CCBE1: variants seen among roughly 807,000 people sequenced by gnomAD.
CCBE1 encodes collagen and calcium-binding EGF domain-containing protein 1.
A neutral mutation model predicts 50.0 loss-of-function variants in CCBE1; 37 were observed. That is an observed-to-expected ratio of 0.74 (90% CI 0.57 to 0.97). The LOEUF is 0.97. Ranked by LOEUF, CCBE1 falls within the 50% of genes least tolerant of loss-of-function variation. CCBE1 has a pLI of 0.00. For synonymous variants in CCBE1, 234 were observed against 203.7 expected (o/e 1.15, Z -1.27); for missense variants, 538 against 523.8 (o/e 1.03, Z -0.26).
chr18:59,624,730 A>C (rs763546320), intron 2 of CCBE1, among the ~76,000 whole-genome samples: 1 of 152,208 alleles, frequency 6.6e-6, no homozygotes, highest in Non-Finnish European at 1.5e-5. Context: ...GAGCTCAGAG[A>C]CACTCTTGTC....
intron 2 of CCBE1, among the ~76,000 whole-genome samples, chr18:59,562,320 A>AT (rs999205441): frequency 1.3e-5 from 2 of 152,180 alleles, no homozygotes; most frequent in Non-Finnish European, 2.9e-5. Context: ...ATCTTTTTAG[A>AT]TTATTAACTA....
At chr18:59,451,445 A>G (rs1031130463) in intron 6 of CCBE1, among the ~76,000 whole-genome samples, 8 of 151,060 alleles carry the variant, frequency 5.3e-5, no homozygotes, top group African/African-American at 1.9e-4. Context: ...AAAAAAAAAA[A>G]AAAAAAAAAA....
chr18:59,664,320 C>T (rs2144694881), intron 2 of CCBE1, among the ~76,000 whole-genome samples: 1 of 152,222 alleles, frequency 6.6e-6, no homozygotes, highest in South Asian at 2.1e-4. Context: ...CAGACCACAG[C>T]AAAGGCCTCC....
intron 7 of CCBE1, among the ~76,000 whole-genome samples, chr18:59,446,531 T>G (rs1910678030): frequency 6.6e-6 from 1 of 152,234 alleles, no homozygotes; most frequent in Admixed American, 6.5e-5. Flanking sequence ...CTGAATCGTC[T>G]TATTCTCTGG....
At chr18:59,650,017 C>G (rs1395457929) in intron 2 of CCBE1, among the ~76,000 whole-genome samples, 1 of 152,056 alleles carries the variant, frequency 6.6e-6, no homozygotes, top group Non-Finnish European at 1.5e-5. Flanking sequence ...TGGGGGAGCA[C>G]AGGTGAGCCA....
At chr18:59,684,456 A>G (rs980871257) in intron 2 of CCBE1, among the ~76,000 whole-genome samples, 8 of 152,172 alleles carry the variant, frequency 5.3e-5, no homozygotes, top group Non-Finnish European at 8.8e-5. Context: ...CTCAAAAAAA[A>G]AAATTCTCCA....
intron 2 of CCBE1, among the ~76,000 whole-genome samples, chr18:59,620,557 A>C (rs775411373): frequency 5.3e-5 from 8 of 152,182 alleles, no homozygotes; most frequent in Non-Finnish European, 1.2e-4. Context: ...ATCTTGAATC[A>C]TAGCTCCCAC....
intron 2 of CCBE1, among the ~76,000 whole-genome samples, chr18:59,659,893 C>T (rs1369167950): frequency 6.6e-6 from 1 of 152,170 alleles, no homozygotes; most frequent in Non-Finnish European, 1.5e-5. Context: ...TCAGAGGTCC[C>T]CCCTCCCAGT....
chr18:59,558,071 G>A (rs533629858), intron 2 of CCBE1, among the ~76,000 whole-genome samples: 7 of 152,196 alleles, frequency 4.6e-5, no homozygotes, highest in Non-Finnish European at 8.8e-5. Context: ...GGTGACTCAC[G>A]TGTATCTTAT....
chr18:59,643,934 C>A (rs751835157), intron 2 of CCBE1, among the ~76,000 whole-genome samples: 2 of 152,198 alleles, frequency 1.3e-5, no homozygotes, highest in African/African-American at 2.4e-5. Flanking sequence ...ATACAAGCAG[C>A]CTTTCCCTAA....
At chr18:59,688,767 T>A (rs2054691479) in intron 2 of CCBE1, among the ~76,000 whole-genome samples, 1 of 152,152 alleles carries the variant, frequency 6.6e-6, no homozygotes, top group Non-Finnish European at 1.5e-5. Flanking sequence ...TTCCTGGAGA[T>A]CAGAAAACCA....
At chr18:59,579,349 G>A (rs1462197497) in intron 2 of CCBE1, among the ~76,000 whole-genome samples, 1 of 150,818 alleles carries the variant, frequency 6.6e-6, no homozygotes, top group Non-Finnish European at 1.5e-5. Flanking sequence ...CATTTCCTAT[G>A]AACAGCTATT....
rs765189187 is a variant in CCBE1 at position 59,473,290 on chromosome 18, T to C, written c.266-3683A>G. Among the ~76,000 whole-genome samples, 12 of 152,292 alleles carry C rather than the reference T, an allele frequency of 7.9e-5. 1 individual carries two copies. The highest frequency in any genetic ancestry group is 1.2e-4 in the Non-Finnish European group (8 of 68,032). On this transcript the variant is annotated intron_variant, in intron 3 of 10. Coordinates refer to ENST00000439986, the MANE Select transcript of CCBE1 (RefSeq NM_133459.4). ...ACTTTGCCTCAGAATTTTGAAGGCATTGTTCCATTGTCTTCCAGCTTTTCA... is the reference window on the plus strand; with the variant it reads ...ACTTTGCCTCAGAATTTTGAAGGCACTGTTCCATTGTCTTCCAGCTTTTCA...
intron 6 of CCBE1, among the ~76,000 whole-genome samples, chr18:59,451,906 C>G (rs1168992780): frequency 1.3e-5 from 2 of 152,130 alleles, no homozygotes; most frequent in South Asian, 2.1e-4. Context: ...GTGCCCCATC[C>G]CAATCAGTCT....
chr18:59,572,475 G>C (rs2052928523), intron 2 of CCBE1, among the ~76,000 whole-genome samples: 1 of 152,118 alleles, frequency 6.6e-6, no homozygotes, highest in African/African-American at 2.4e-5. Context: ...CTTTACCAGA[G>C]ATTGATATGA....
chr18:59,493,582 A>C (rs1454510364), intron 2 of CCBE1, among the ~76,000 whole-genome samples: 1 of 152,074 alleles, frequency 6.6e-6, no homozygotes, highest in African/African-American at 2.4e-5. Flanking sequence ...TGGAGCATAG[A>C]GCACTTCACT....
At chr18:59,575,308 A>T (rs1257554289) in intron 2 of CCBE1, among the ~76,000 whole-genome samples, 2 of 152,160 alleles carry the variant, frequency 1.3e-5, no homozygotes, top group Non-Finnish European at 2.9e-5. Flanking sequence ...AATTCATGGG[A>T]AACAGGCAAG....
At chr18:59,653,898 G>A (rs138975134) in intron 2 of CCBE1, among the ~76,000 whole-genome samples, 1 of 152,254 alleles carries the variant, frequency 6.6e-6, no homozygotes, top group East Asian at 1.9e-4. Context: ...AATTCTTATG[G>A]ACATATCATA....
chr18:59,553,607 G>A (rs1244871218), intron 2 of CCBE1, among the ~76,000 whole-genome samples: 1 of 152,210 alleles, frequency 6.6e-6, no homozygotes, highest in Non-Finnish European at 1.5e-5. Flanking sequence ...AAGGAAAGAG[G>A]ATGAAGTTTT....
Sources: gnomAD v4.1 joint callset for allele counts (sites outside exome capture counted in the v4.1 genomes callset) on GRCh38, gnomAD v4.1.1 for gene constraint, MANE v1.5 for transcripts, NCBI Gene and HGNC (gene_info 2026-07-23, HGNC 2026-07-21) for gene names.